The following DLGAP2 variants were observed in gnomAD, a reference collection of about 807,000 sequenced individuals.
DLGAP2 encodes disks large-associated protein 2.
Under a neutral mutation model 100.3 loss-of-function variants are expected in DLGAP2, and 26 were observed. The observed-to-expected ratio is 0.26, with a 90% CI of 0.19 to 0.36. The LOEUF (loss-of-function observed/expected upper bound fraction) is 0.36. Ranked by LOEUF, DLGAP2 falls within the 10% of genes least tolerant of loss-of-function variation. The probability of loss-of-function intolerance (pLI) is 1.00; values close to 1 mark genes in which losing one functional copy is unlikely to be tolerated. For missense variants in DLGAP2, 1,858 were observed against 1,453.2 expected (o/e 1.28, Z -4.53); for synonymous variants, 886 against 630.1 (o/e 1.41, Z -6.08).
chr8:755,880 G>A (rs1820906096), intron 1 of DLGAP2, among the ~76,000 whole-genome samples: 1 of 152,248 alleles, frequency 6.6e-6, no homozygotes, highest in African/African-American at 2.4e-5. Flanking sequence ...CCACACACCA[G>A]AAACCATGGC....
chr8:1,342,188 C>T (rs994624248), intron 3 of DLGAP2, among the ~76,000 whole-genome samples: 1 of 152,056 alleles, frequency 6.6e-6, no homozygotes, highest in Non-Finnish European at 1.5e-5. Context: ...CTCAAGCAAT[C>T]GGCCCACCTC....
intron 7 of DLGAP2, among the ~76,000 whole-genome samples, chr8:1,629,548 T>A (rs1467116643): frequency 6.6e-6 from 1 of 152,220 alleles, no homozygotes; most frequent in East Asian, 1.9e-4. Context: ...GAGACACTAA[T>A]TAACTAAACA....
Position 1,609,045 on chromosome 8 carries a change from C to G in DLGAP2, c.1443-17695C>G, listed in dbSNP as rs989452324. Among the ~76,000 whole-genome samples the G allele has an allele frequency of 2.3e-4, 33 of 145,798 alleles. 1 individual carries two copies. Among genetic ancestry groups the G allele is most frequent in the African/African-American group, 8.2e-4 (33 of 40,322 alleles). On this transcript the variant is annotated intron_variant, in intron 6 of 14. Transcript: ENST00000637795. The stretch of plus-strand genomic sequence containing the variant: ...GATTCAGGAAATACAGAGAACGCCA[C>G]AAAGATACTCCTCGAGAAGAGCAAC...
intron 2 of DLGAP2, among the ~76,000 whole-genome samples, chr8:1,010,063 A>G (rs762268412): frequency 6.6e-6 from 1 of 152,262 alleles, no homozygotes; most frequent in Non-Finnish European, 1.5e-5. Context: ...ATATCGTGGT[A>G]TCAGTGAGCT....
At chr8:785,281 GATCCTGCCATGCTTGAGCCA>G (rs1239879178) in intron 1 of DLGAP2, among the ~76,000 whole-genome samples, 1 of 145,852 alleles carries the variant, frequency 6.9e-6, no homozygotes, top group Non-Finnish European at 1.5e-5. Flanking sequence ...AGATGCGCCG[GATCCTGCCATGCTTGAGCCA>G]AAGCTCTGGG....
intron 12 of DLGAP2, among the ~76,000 whole-genome samples, chr8:1,688,747 A>G (rs746633762): frequency 4.6e-5 from 7 of 152,218 alleles, no homozygotes; most frequent in Non-Finnish European, 1.0e-4. Flanking sequence ...CCCAGGAGAA[A>G]ATCACTTTGA....
chr8:1,508,567 G>A (rs1435015452), intron 4 of DLGAP2, among the ~76,000 whole-genome samples: 1 of 80,320 alleles, frequency 1.2e-5, no homozygotes, highest in Non-Finnish European at 2.7e-5. Context: ...CTCCACGCGC[G>A]CCGACATCCA....
Position 1,701,584 on chromosome 8 carries a change from G to T in DLGAP2, c.*178G>T. On this transcript the variant is annotated 3_prime_UTR_variant, in exon 15 of 15. Transcript: ENST00000637795. ...CGGCCTCAGAGTCCACGGAGCTCGC[G>T]GCGAGGACGACTTCTGCTTTTGTTG... 1 of 661,188 alleles carries T rather than the reference G, an allele frequency of 1.5e-6. No homozygotes were observed. The highest frequency in any genetic ancestry group is 2.5e-6 in the Non-Finnish European group (1 of 399,540). The allele number at this position is 661,188 out of a possible 1,614,324, so 41.0% of individuals were successfully genotyped here.
intron 1 of DLGAP2, among the ~76,000 whole-genome samples, chr8:887,295 A>G (rs1797942044): frequency 1.3e-5 from 2 of 152,070 alleles, no homozygotes; most frequent in Non-Finnish European, 2.9e-5. Flanking sequence ...TCCTGAATAC[A>G]GCACACTGAT....
chr8:1,001,079 A>G (rs146807212), intron 2 of DLGAP2, among the ~76,000 whole-genome samples: 2 of 152,360 alleles, frequency 1.3e-5, no homozygotes, highest in Non-Finnish European at 2.9e-5. Flanking sequence ...AGTGGCAATG[A>G]CAGAGGGAAT....
At chr8:1,390,142 G>A (rs1796316707) in intron 3 of DLGAP2, among the ~76,000 whole-genome samples, 1 of 149,872 alleles carries the variant, frequency 6.7e-6, no homozygotes, top group African/African-American at 2.4e-5. Context: ...CCAAAAATCA[G>A]TAACTAAATC....
chr8:884,945 T>TA (rs1410242245), intron 1 of DLGAP2, among the ~76,000 whole-genome samples: 1 of 152,172 alleles, frequency 6.6e-6, no homozygotes, highest in Non-Finnish European at 1.5e-5. Flanking sequence ...TGGTTGTAGA[T>TA]GTGTGGTGTT....
At chr8:1,110,344 G>C (rs1563197367) in intron 2 of DLGAP2, among the ~76,000 whole-genome samples, 1 of 82,940 alleles carries the variant, frequency 1.2e-5, no homozygotes, top group Non-Finnish European at 3.3e-5. Context: ...TCTGTGACAT[G>C]TGCTGGGTCT....
chr8:913,808 C>T (rs1444646713), intron 2 of DLGAP2, among the ~76,000 whole-genome samples: 4 of 152,240 alleles, frequency 2.6e-5, no homozygotes, highest in African/African-American at 4.8e-5. Flanking sequence ...CCTGAATTAT[C>T]CACATGTGAC....
chr8:1,054,398 C>G (rs1330234775), intron 2 of DLGAP2, among the ~76,000 whole-genome samples: 1 of 152,152 alleles, frequency 6.6e-6, no homozygotes, highest in Admixed American at 6.5e-5. Flanking sequence ...GGACTTTACT[C>G]TTGGCTCCAA....
At chr8:1,208,011 T>C (rs1394435787) in intron 2 of DLGAP2, among the ~76,000 whole-genome samples, 1 of 152,206 alleles carries the variant, frequency 6.6e-6, no homozygotes, top group Admixed American at 6.5e-5. Flanking sequence ...TCCCACTCGG[T>C]GGGTTGTCTG....
intron 2 of DLGAP2, among the ~76,000 whole-genome samples, chr8:1,251,034 A>G (rs754278050): frequency 4.6e-5 from 7 of 152,222 alleles, no homozygotes; most frequent in Non-Finnish European, 1.0e-4. Context: ...TTTTCTGTGT[A>G]CATCAACTAT....
chr8:1,354,558 T>C lies in DLGAP2; in HGVS notation c.106+95675T>C, dbSNP rs994267169. Among the ~76,000 whole-genome samples the C allele has an allele frequency of 3.9e-5, 6 of 152,104 alleles. No individual in the cohort carries two copies. The South Asian group carries it at 6.2e-4, about 16-fold the overall frequency. On this transcript the variant is annotated intron_variant, in intron 3 of 14. Coordinates refer to ENST00000637795, the MANE Select transcript of DLGAP2 (RefSeq NM_001346810.2). Reference sequence around the variant, plus strand: ...AAGAAAATACCTTGGAATGAAAGACTGTGGGGCCATTAAGATGATGCTGTG... The same window carrying C: ...AAGAAAATACCTTGGAATGAAAGACCGTGGGGCCATTAAGATGATGCTGTG...
intron 12 of DLGAP2, among the ~76,000 whole-genome samples, chr8:1,687,920 G>T (rs1382680688): frequency 6.6e-6 from 1 of 152,116 alleles, no homozygotes; most frequent in Non-Finnish European, 1.5e-5. Context: ...TAATTACCCA[G>T]GTTTTAGAAT....
Sources: allele counts gnomAD v4.1 joint callset (sites outside exome capture counted in the v4.1 genomes callset), GRCh38; gene constraint gnomAD v4.1.1; transcripts MANE v1.5; gene names NCBI Gene and HGNC (gene_info 2026-07-23, HGNC 2026-07-21).